C1QTNF3: variants seen among roughly 807,000 people sequenced by gnomAD.
C1QTNF3 encodes the protein complement C1q tumor necrosis factor-related protein 3.
A neutral mutation model predicts 32.6 loss-of-function variants in C1QTNF3; 26 were observed. That is an observed-to-expected ratio of 0.80 (90% CI 0.58 to 1.11). The LOEUF (loss-of-function observed/expected upper bound fraction) is 1.11, where lower values mean the gene tolerates loss of function less well. Among genes scored for constraint, C1QTNF3 ranks in the 50% least tolerant of loss-of-function variants. The pLI is 0.00. For synonymous variants in C1QTNF3, 155 were observed against 146.0 expected, an observed-to-expected ratio of 1.06 and a Z score of -0.44; for missense variants, 362 against 398.2, an observed-to-expected ratio of 0.91 and a Z score of 0.77.
chr5:34,236,642 C>T, the C1QTNF3 span, among the ~76,000 whole-genome samples: 1 of 117,292 alleles, frequency 8.5e-6, no homozygotes, highest in Non-Finnish European at 1.6e-5. Context: ...GGTGGGATCT[C>T]GGTTCACTGC....
At chr5:34,064,660 G>C in the C1QTNF3 span, among the ~76,000 whole-genome samples, 1 of 152,208 alleles carries the variant, frequency 6.6e-6, no homozygotes, top group South Asian at 2.1e-4. Context: ...GTCAATGGCA[G>C]ATCTGGGACG....
chr5:34,209,895 T>C, the C1QTNF3 span, among the ~76,000 whole-genome samples: 1 of 152,144 alleles, frequency 6.6e-6, no homozygotes, highest in Non-Finnish European at 1.5e-5. Context: ...AAGAAAGCAC[T>C]GGTCTCAATA....
chr5:34,202,269 A>G, the C1QTNF3 span, among the ~76,000 whole-genome samples: 1 of 151,688 alleles, frequency 6.6e-6, no homozygotes, highest in Non-Finnish European at 1.5e-5. Context: ...GTTCCCCAAC[A>G]CCTCCAACAA....
the C1QTNF3 span, among the ~76,000 whole-genome samples, chr5:34,091,135 G>A: frequency 2.0e-5 from 3 of 152,122 alleles, no homozygotes; most frequent in Admixed American, 6.6e-5. Context: ...GCACCACTGC[G>A]CAGCCTGGAA....
At chr5:34,202,590 TG>T in the C1QTNF3 span, among the ~76,000 whole-genome samples, 1 of 151,168 alleles carries the variant, frequency 6.6e-6, no homozygotes, top group East Asian at 1.9e-4. Context: ...GGCAAATGGT[TG>T]GGTCATTACC....
At chr5:34,080,307 G>C in the C1QTNF3 span, among the ~76,000 whole-genome samples, 2 of 151,816 alleles carry the variant, frequency 1.3e-5, no homozygotes, top group South Asian at 4.1e-4. Context: ...TAGGATCTCA[G>C]GATTAGAGAT....
At chr5:34,170,880 C>T in the C1QTNF3 span, among the ~76,000 whole-genome samples, 6 of 152,066 alleles carry the variant, frequency 3.9e-5, no homozygotes, top group Non-Finnish European at 1.5e-5. Flanking sequence ...CACTTATTGA[C>T]AGAATTACAG....
the C1QTNF3 span, among the ~76,000 whole-genome samples, chr5:34,140,003 A>G: frequency 1.3e-5 from 2 of 152,224 alleles, no homozygotes; most frequent in African/African-American, 4.8e-5. Context: ...ATATAGAAGT[A>G]CAGACACCCG....
At chr5:34,235,727 T>C in the C1QTNF3 span, among the ~76,000 whole-genome samples, 2 of 152,010 alleles carry the variant, frequency 1.3e-5, no homozygotes, top group Non-Finnish European at 2.9e-5. Flanking sequence ...GTATTACAAG[T>C]CTTCATTTCA....
the C1QTNF3 span, among the ~76,000 whole-genome samples, chr5:34,089,229 T>C: frequency 2.0e-5 from 3 of 152,202 alleles, no homozygotes. Context: ...GTTGGCAATC[T>C]AGATGCAAAT....
chr5:34,210,293 C>G, the C1QTNF3 span, among the ~76,000 whole-genome samples: 1 of 151,958 alleles, frequency 6.6e-6, no homozygotes, highest in Non-Finnish European at 1.5e-5. Context: ...TTTGATATTG[C>G]ATACTCAATA....
At chr5:34,048,404 G>A in the C1QTNF3 span, among the ~76,000 whole-genome samples, 1 of 151,902 alleles carries the variant, frequency 6.6e-6, no homozygotes, top group South Asian at 2.1e-4. Flanking sequence ...AACCACACTA[G>A]ATATTTTAAC....
At chr5:34,053,314 T>C in the C1QTNF3 span, among the ~76,000 whole-genome samples, 5 of 152,228 alleles carry the variant, frequency 3.3e-5, no homozygotes, top group Admixed American at 1.3e-4. Flanking sequence ...AGGGAGCAGA[T>C]CTGGGGTTGG....
chr5:34,240,640 A>C, the C1QTNF3 span, among the ~76,000 whole-genome samples: 1 of 152,084 alleles, frequency 6.6e-6, no homozygotes, highest in South Asian at 2.1e-4. Flanking sequence ...AAATCTACCA[A>C]GCCAAAAAGC....
the C1QTNF3 span, among the ~76,000 whole-genome samples, chr5:34,155,090 T>G: frequency 6.6e-6 from 1 of 152,196 alleles, no homozygotes; most frequent in Non-Finnish European, 1.5e-5. Context: ...CTTGTGGAAG[T>G]ACATTCAGGG....
At chr5:34,216,839 C>G in the C1QTNF3 span, among the ~76,000 whole-genome samples, 3 of 152,092 alleles carry the variant, frequency 2.0e-5, no homozygotes, top group Admixed American at 6.6e-5. Flanking sequence ...ACTTCAAAAT[C>G]AACTGCAGAG....
chr5:34,165,885 T>C, the C1QTNF3 span: 1 of 147,070 alleles, frequency 6.8e-6, no homozygotes, highest in African/African-American at 2.5e-5. Context: ...AGCATATGAA[T>C]ACAACAGTCT....
At chr5:34,144,541 T>C in the C1QTNF3 span, among the ~76,000 whole-genome samples, 54 of 152,218 alleles carry the variant, frequency 3.5e-4, 1 homozygote, top group South Asian at 0.011. Context: ...ATAAAGTAAG[T>C]CTCAATAAAT....
rs546585135 is a variant in C1QTNF3, at chr5:34,018,387, C to T, written c.*2196G>A. Among the ~76,000 whole-genome samples the T allele has an allele frequency of 3.3e-4, 50 of 152,262 alleles. No homozygotes were observed. Among genetic ancestry groups the T allele is most frequent in the East Asian group, 2.1e-3 (11 of 5,188 alleles). ...TTCTCTCTCCTGTGAATTCCTAGCC[C>T]TTTGCCTTCTATGGCTGTAAAAACA... On this transcript the variant is annotated 3_prime_UTR_variant, in exon 6 of 6. Coordinates refer to ENST00000382065, the MANE Select transcript of C1QTNF3 (RefSeq NM_181435.6).
Sources: gnomAD v4.1 joint callset for allele counts (sites outside exome capture counted in the v4.1 genomes callset) on GRCh38, gnomAD v4.1.1 for gene constraint, MANE v1.5 for transcripts, NCBI Gene and HGNC (gene_info 2026-07-23, HGNC 2026-07-21) for gene names.